Variants in USP34 observed in about 807,000 individuals in gnomAD.
USP34 encodes ubiquitin carboxyl-terminal hydrolase 34.
A neutral mutation model predicts 460.3 loss-of-function variants in USP34; 70 were observed. The ratio of observed to expected loss-of-function variants is 0.15; its 90% confidence interval spans 0.13 to 0.19. The LOEUF (loss-of-function observed/expected upper bound fraction) is 0.19. Among genes scored for constraint, USP34 ranks in the 10% least tolerant of loss-of-function variants. The pLI is 1.00. For missense variants in USP34, 3,985 were observed against 4,236.2 expected (o/e 0.94, Z 1.65); for synonymous variants, 1,647 against 1,405.3 (o/e 1.17, Z -3.85).
chr2:61,396,134 GAA>G (rs1282041501), intron 3 of USP34, among the ~76,000 whole-genome samples: 1 of 149,894 alleles, frequency 6.7e-6, no homozygotes, highest in Non-Finnish European at 1.5e-5. Context: ...TTTTTGTTTT[GAA>G]AAGTTTCTCA....
chr2:61,285,421 T>C (rs1025117364), intron 34 of USP34, among the ~76,000 whole-genome samples: 18 of 145,004 alleles, frequency 1.2e-4, no homozygotes, highest in Admixed American at 1.0e-3. Context: ...TGGGAGGCAG[T>C]GGCTGCAGTG....
rs181895615 is a variant in USP34 at position 61,198,969 on chromosome 2, T to G, written c.9508+4171A>C. On this transcript the variant is annotated intron_variant, in intron 75 of 79. Transcript: ENST00000398571. ...TATTCATGTCCTTTGCTGATTTTAC[T>G]TAACGTTCTTCATCATCTTACCAAA... Among the ~76,000 whole-genome samples, 12 of 152,338 alleles carry G rather than the reference T, an allele frequency of 7.9e-5. 1 individual carries two copies. In the East Asian group the frequency reaches 2.3e-3, roughly 29 times the overall value.
In USP34 at chr2:61,188,070, G is replaced by A; in HGVS notation, c.*32C>T. The A allele has an allele frequency of 6.3e-7, 1 of 1,584,734 alleles. No individual in the cohort carries two copies. The highest frequency in any genetic ancestry group is 8.6e-7 in the Non-Finnish European group (1 of 1,165,350). On this transcript the variant is annotated 3_prime_UTR_variant, in exon 80 of 80. Coordinates refer to ENST00000398571, the MANE Select transcript of USP34 (RefSeq NM_014709.4). The stretch of plus-strand genomic sequence containing the variant: ...CAAACAGCATGGGGGTTGGGGGTGA[G>A]GGACTTAAAAGTAGACATGCTACAC...
At chr2:61,263,901 G>A (rs17007720) in intron 43 of USP34, among the ~76,000 whole-genome samples, 5,067 of 151,794 alleles carry the variant, frequency 0.033, 290 homozygotes, top group African/African-American at 0.12. Context: ...TAAAAATACC[G>A]TTTATGAGAT....
chr2:61,443,350 C>T (rs923010817), intron 1 of USP34, among the ~76,000 whole-genome samples: 2 of 152,128 alleles, frequency 1.3e-5, no homozygotes, highest in African/African-American at 4.8e-5. Context: ...TTACCCTGAT[C>T]TGATCACTAT....
intron 29 of USP34, among the ~76,000 whole-genome samples, chr2:61,297,854 A>G (rs904403749): frequency 1.3e-5 from 2 of 152,222 alleles, no homozygotes; most frequent in East Asian, 3.9e-4. Flanking sequence ...GCAATTCTCC[A>G]ATGTCAAGGA....
chr2:61,285,653 T>A (rs1022808755), intron 34 of USP34, among the ~76,000 whole-genome samples: 1 of 151,464 alleles, frequency 6.6e-6, no homozygotes, highest in Non-Finnish European at 1.5e-5. Context: ...TGGGAAGGGG[T>A]TGGTGAATAA....
At chr2:61,398,848 G>C (rs968776895) in intron 3 of USP34, among the ~76,000 whole-genome samples, 3 of 152,128 alleles carry the variant, frequency 2.0e-5, no homozygotes, top group African/African-American at 4.8e-5. Flanking sequence ...AAGTCTCAAA[G>C]TAAGTGTTAA....
chr2:61,221,809 T>G (rs936417903), intron 65 of USP34: 18 of 413,684 alleles, frequency 4.4e-5, no homozygotes, highest in Admixed American at 1.3e-4. Context: ...GAACCACGTA[T>G]GATAGATTTT....
chr2:61,268,438 TA>T (rs35618230), intron 41 of USP34, among the ~76,000 whole-genome samples: 16,021 of 52,986 alleles, frequency 0.3, 2,247 homozygotes, highest in Middle Eastern at 0.34. Context: ...GAGCTGTTGT[TA>T]AAAAAAAAAA....
rs1490479554 is a variant in USP34 at position 61,361,634 on chromosome 2, T to C, written c.1251+8687A>G. Among the ~76,000 whole-genome samples the C allele has an allele frequency of 2.6e-5, 4 of 152,138 alleles. No individual in the cohort carries two copies. The East Asian group carries it at 5.8e-4, about 22-fold the overall frequency. ...TACAGAATGAAACTGGATCCTTATCTTATACCACACACAAAAATCAACTCA... is the reference window on the plus strand; with the variant it reads ...TACAGAATGAAACTGGATCCTTATCCTATACCACACACAAAAATCAACTCA... On this transcript the variant is annotated intron_variant, in intron 10 of 79. Coordinates refer to ENST00000398571, the MANE Select transcript of USP34 (RefSeq NM_014709.4).
chr2:61,408,202 C>T (rs987725676), intron 2 of USP34, among the ~76,000 whole-genome samples: 4 of 152,080 alleles, frequency 2.6e-5, no homozygotes, highest in African/African-American at 9.7e-5. Flanking sequence ...ATCCTCCAGC[C>T]CCACATGAGC....
At chr2:61,294,071 C>G (rs138390433) in intron 32 of USP34, among the ~76,000 whole-genome samples, 1 of 151,682 alleles carries the variant, frequency 6.6e-6, no homozygotes, top group Non-Finnish European at 1.5e-5. Context: ...TGAGGCCAGG[C>G]GCGGTGGCTC....
intron 2 of USP34, among the ~76,000 whole-genome samples, chr2:61,412,217 G>A (rs1197094767): frequency 1.1e-4 from 15 of 137,078 alleles, no homozygotes; most frequent in East Asian, 8.4e-4. Flanking sequence ...AGAAAAGGAA[G>A]AAAAGAAAGA....
chr2:61,191,521 C>G (rs949392766), intron 76 of USP34, among the ~76,000 whole-genome samples: 11 of 152,146 alleles, frequency 7.2e-5, no homozygotes, highest in African/African-American at 2.7e-4. Flanking sequence ...ATCCTTAACA[C>G]TAGGAAAAAC....
intron 75 of USP34, among the ~76,000 whole-genome samples, chr2:61,202,163 C>G (rs1194494630): frequency 6.6e-6 from 1 of 152,164 alleles, no homozygotes; most frequent in Non-Finnish European, 1.5e-5. Context: ...CTTTCTTCTT[C>G]TTGGATAATG....
rs1692243885 is a variant in USP34 at position 61,360,552 on chromosome 2, A to G, written c.1251+9769T>C. 2.0e-5 allele frequency among the ~76,000 whole-genome samples: 3 copies of G among 152,306 alleles called. No homozygotes were observed. In the South Asian group the frequency reaches 6.2e-4, roughly 32 times the overall value. Reference sequence around the variant, plus strand: ...CTGAAGGAAATTAAAGAAGAAACACATAAATAAAAAGACATTCCATATTCA... The same window carrying G: ...CTGAAGGAAATTAAAGAAGAAACACGTAAATAAAAAGACATTCCATATTCA... On this transcript the variant is annotated intron_variant, in intron 10 of 79. Transcript: ENST00000398571.
chr2:61,208,989 CAT>C lies in USP34; in HGVS notation c.8841-14_8841-13del, dbSNP rs747362735. On this transcript the variant is annotated splice_polypyrimidine_tract_variant and intron_variant, in intron 69 of 79. Coordinates refer to ENST00000398571, the MANE Select transcript of USP34 (RefSeq NM_014709.4). Reference sequence around the variant, plus strand: ...GTATTCTGAAGGCACTAGAAGAAAACATAAAGTTCAGTTTGAGAAGTCTGAAT... The same window carrying C: ...GTATTCTGAAGGCACTAGAAGAAAACAAAGTTCAGTTTGAGAAGTCTGAAT... 150 of 1,536,764 alleles carry C rather than the reference CAT, an allele frequency of 9.8e-5. No homozygotes were observed. Among genetic ancestry groups the C allele is most frequent in the African/African-American group, 3.5e-4 (25 of 72,378 alleles).
chr2:61,293,455 T>A lies in USP34; in HGVS notation c.4548+9A>T. On this transcript the variant is annotated intron_variant, in intron 33 of 79. Transcript: ENST00000398571. ...CTGTAACTAGTTGAAACCATAAATATGCACTTACCACAGTCCATGATTCCT... is the reference window on the plus strand; with the variant it reads ...CTGTAACTAGTTGAAACCATAAATAAGCACTTACCACAGTCCATGATTCCT... The A allele has an allele frequency of 6.2e-7, 1 of 1,605,096 alleles. No homozygotes were observed. The highest frequency in any genetic ancestry group is 1.1e-5 in the South Asian group (1 of 89,628).
Sources: gnomAD v4.1 joint callset for allele counts (sites outside exome capture counted in the v4.1 genomes callset) on GRCh38, gnomAD v4.1.1 for gene constraint, MANE v1.5 for transcripts, NCBI Gene and HGNC (gene_info 2026-07-23, HGNC 2026-07-21) for gene names.